PALS2: variants seen among roughly 807,000 people sequenced by gnomAD.
The protein encoded by PALS2 is protein PALS2.
PALS2 carries 27 observed loss-of-function variants against 61.6 expected under a neutral mutation model. The observed-to-expected ratio is 0.44, with a 90% CI of 0.32 to 0.60. The LOEUF is 0.60. Ranked by LOEUF, PALS2 falls within the 20% of genes least tolerant of loss-of-function variation. PALS2 has a pLI of 0.05. For synonymous variants in PALS2, 236 were observed against 218.6 expected (o/e 1.08, Z -0.70); for missense variants, 554 against 639.4 (o/e 0.87, Z 1.44).
intron 1 of PALS2, among the ~76,000 whole-genome samples, chr7:24,605,906 A>T (rs1451991111): frequency 6.6e-6 from 1 of 152,198 alleles, no homozygotes; most frequent in Non-Finnish European, 1.5e-5. Context: ...ATTTGATGAA[A>T]TAAAATTAAG....
At chr7:24,635,907 A>G (rs1177556433) in intron 2 of PALS2, among the ~76,000 whole-genome samples, 1 of 152,104 alleles carries the variant, frequency 6.6e-6, no homozygotes, top group Non-Finnish European at 1.5e-5. Flanking sequence ...TTTTTAGGAT[A>G]GATCTGAAAA....
At chr7:24,623,167 T>C (rs1784592184) in intron 1 of PALS2, among the ~76,000 whole-genome samples, 1 of 151,648 alleles carries the variant, frequency 6.6e-6, no homozygotes, top group Non-Finnish European at 1.5e-5. Flanking sequence ...ATTGGTCTCA[T>C]AGAATGAGTT....
At chr7:24,662,768 GAAAAAAA>G (rs59367702) in intron 5 of PALS2, among the ~76,000 whole-genome samples, 30 of 102,626 alleles carry the variant, frequency 2.9e-4, no homozygotes, top group Admixed American at 9.5e-4. Flanking sequence ...GACTCCATCT[GAAAAAAA>G]AAAAAAAAAA....
rs1285730818 is a variant in PALS2 at position 24,596,486 on chromosome 7, CAG to C, written c.-3+22894_-3+22895del. Among the ~76,000 whole-genome samples, 1 of 152,110 alleles carries C rather than the reference CAG, an allele frequency of 6.6e-6. No homozygotes were observed. Among genetic ancestry groups the C allele is most frequent in the Non-Finnish European group, 1.5e-5 (1 of 67,996 alleles). On this transcript the variant is annotated intron_variant, in intron 1 of 11. Transcript: ENST00000222644. The surrounding 1 kb of genome is among the most constrained non-coding windows in gnomAD (Gnocchi z 4.5). ...AATTAGAACATTTGATAAAATATCT[CAG>C]TGATTCTATAATATTTCACATTTAT...
intron 1 of PALS2, among the ~76,000 whole-genome samples, chr7:24,623,103 G>A (rs116050544): frequency 2.0e-5 from 3 of 151,634 alleles, no homozygotes; most frequent in African/African-American, 4.8e-5. Flanking sequence ...ATTTCTAGGA[G>A]AGATTGGTGG....
chr7:24,592,275 G>A (rs1050639957), intron 1 of PALS2, among the ~76,000 whole-genome samples: 2 of 152,120 alleles, frequency 1.3e-5, no homozygotes, highest in African/African-American at 4.8e-5. Flanking sequence ...AAATCTGCTA[G>A]GTTGGGTCAG....
At chr7:24,659,362 C>T (rs1253199837) in intron 5 of PALS2, among the ~76,000 whole-genome samples, 2 of 152,088 alleles carry the variant, frequency 1.3e-5, no homozygotes, top group African/African-American at 2.4e-5. Flanking sequence ...TGGGTATGTA[C>T]CCAGTAATGG....
intron 2 of PALS2, among the ~76,000 whole-genome samples, chr7:24,639,783 G>T (rs2721790): frequency 3.6e-5 from 5 of 138,356 alleles, no homozygotes; most frequent in African/African-American, 1.0e-4. Context: ...AAATTTACCC[G>T]TTTTCATTTT....
At chr7:24,630,693 C>T (rs1279172228) in intron 2 of PALS2, among the ~76,000 whole-genome samples, 1 of 152,148 alleles carries the variant, frequency 6.6e-6, no homozygotes, top group Non-Finnish European at 1.5e-5. Flanking sequence ...GGAGCTTATG[C>T]AGCTGATGAC....
intron 11 of PALS2, among the ~76,000 whole-genome samples, chr7:24,683,765 T>C (rs1482248895): frequency 1.3e-5 from 2 of 152,212 alleles, no homozygotes; most frequent in African/African-American, 4.8e-5. Flanking sequence ...CTAGCATATA[T>C]GCTTTTCTGT....
At chr7:24,686,926 G>T (rs1015274079) in intron 11 of PALS2, among the ~76,000 whole-genome samples, 1 of 152,184 alleles carries the variant, frequency 6.6e-6, no homozygotes, top group African/African-American at 2.4e-5. Flanking sequence ...ATGTGAGTAT[G>T]TGTTTTGGTG....
intron 2 of PALS2, among the ~76,000 whole-genome samples, chr7:24,638,492 G>A (rs1785357430): frequency 4.0e-5 from 3 of 75,924 alleles, no homozygotes; most frequent in Non-Finnish European, 2.1e-5. Flanking sequence ...CACTACGCCC[G>A]GCTAATTTTT....
At chr7:24,649,244 T>G (rs1468756376) in intron 3 of PALS2, among the ~76,000 whole-genome samples, 2 of 152,094 alleles carry the variant, frequency 1.3e-5, no homozygotes, top group African/African-American at 4.8e-5. Flanking sequence ...TTTTAGTAAA[T>G]AGGATTGATG....
chr7:24,594,685 A>C (rs1445856149), intron 1 of PALS2, among the ~76,000 whole-genome samples: 1 of 152,094 alleles, frequency 6.6e-6, no homozygotes, highest in South Asian at 2.1e-4. Flanking sequence ...GGGGTGATTC[A>C]TGGTGCCCCA....
intron 2 of PALS2, among the ~76,000 whole-genome samples, chr7:24,637,074 A>C (rs1261721873): frequency 6.6e-6 from 1 of 152,104 alleles, no homozygotes; most frequent in Non-Finnish European, 1.5e-5. Context: ...TTCTTTTAAA[A>C]ATTTAACAGA....
chr7:24,620,785 A>T (rs1784470119), intron 1 of PALS2, among the ~76,000 whole-genome samples: 1 of 152,172 alleles, frequency 6.6e-6, no homozygotes, highest in Non-Finnish European at 1.5e-5. Flanking sequence ...TCTTTGAGAC[A>T]TATACATTGA....
intron 1 of PALS2, chr7:24,574,134 G>T (rs1782560463): frequency 6.6e-6 from 1 of 152,320 alleles, no homozygotes; most frequent in Non-Finnish European, 1.5e-5. Context: ...TCCCGAGCTC[G>T]GAGTTGGTAG....
intron 2 of PALS2, among the ~76,000 whole-genome samples, chr7:24,637,400 C>T (rs977722703): frequency 5.4e-5 from 8 of 148,060 alleles, no homozygotes; most frequent in Non-Finnish European, 8.9e-5. Context: ...CTCATTTCTA[C>T]TTTCTGCTCA....
chr7:24,635,404 A>G (rs1785188555), intron 2 of PALS2, among the ~76,000 whole-genome samples: 1 of 152,178 alleles, frequency 6.6e-6, no homozygotes, highest in Non-Finnish European at 1.5e-5. Context: ...GATCTTATAT[A>G]TCTTGCATCC....
Sources: gnomAD v4.1 joint callset for allele counts (sites outside exome capture counted in the v4.1 genomes callset) on GRCh38, gnomAD v4.1.1 for gene constraint, Gnocchi (gnomAD v3.1) non-coding constraint, MANE v1.5 for transcripts, NCBI Gene and HGNC (gene_info 2026-07-23, HGNC 2026-07-21) for gene names.